The following PARP4 variants were observed in gnomAD, a reference collection of about 807,000 sequenced individuals.
PARP4 encodes protein mono-ADP-ribosyltransferase PARP4.
In PARP4, 120 loss-of-function variants were observed where a neutral mutation model predicts 187.7. That is an observed-to-expected ratio of 0.64 (90% CI 0.55 to 0.74). The LOEUF is 0.74. Ranked by LOEUF, PARP4 falls within the 30% of genes least tolerant of loss-of-function variation. The probability of loss-of-function intolerance (pLI) is 0.00; values close to 1 mark genes in which losing one functional copy is unlikely to be tolerated. For missense variants in PARP4, 1,836 were observed against 2,070.5 expected, an observed-to-expected ratio of 0.89 and a Z score of 2.20; for synonymous variants, 654 against 740.9, an observed-to-expected ratio of 0.88 and a Z score of 1.90.
chr13:24,433,108 G>A (rs1465569841), intron 31 of PARP4, among the ~76,000 whole-genome samples: 2 of 152,130 alleles, frequency 1.3e-5, no homozygotes, highest in African/African-American at 4.8e-5. Context: ...AACGTCCTCT[G>A]GAATGTGTCT....
intron 10 of PARP4, among the ~76,000 whole-genome samples, chr13:24,487,395 T>C (rs1359274015): frequency 6.6e-6 from 1 of 152,208 alleles, no homozygotes; most frequent in East Asian, 1.9e-4. Context: ...ATGTCTATTT[T>C]AAGACCTCAC....
chr13:24,487,381 T>C (rs570164376), intron 10 of PARP4, among the ~76,000 whole-genome samples: 1 of 152,282 alleles, frequency 6.6e-6, no homozygotes, highest in South Asian at 2.1e-4. Context: ...TGTGGCACCA[T>C]AAAATGTCTA....
intron 3 of PARP4, among the ~76,000 whole-genome samples, chr13:24,501,267 T>C (rs1428810648): frequency 1.3e-5 from 2 of 152,226 alleles, no homozygotes; most frequent in Admixed American, 6.5e-5. Flanking sequence ...GACAATCTTT[T>C]GTTTGGAAAG....
intron 25 of PARP4, among the ~76,000 whole-genome samples, chr13:24,449,056 T>C (rs1871358283): frequency 6.6e-6 from 1 of 152,204 alleles, no homozygotes; most frequent in Non-Finnish European, 1.5e-5. Flanking sequence ...TTGCACAGCA[T>C]TGTGAATGTA....
chr13:24,504,417 G>A (rs9581091), intron 1 of PARP4, among the ~76,000 whole-genome samples: 14,602 of 145,568 alleles, frequency 0.1, 789 homozygotes, highest in Non-Finnish European at 0.12. Flanking sequence ...TGGTTCAAGC[G>A]ATTCCCCTGC....
chr13:24,476,694 A>G (rs972894834), intron 14 of PARP4, among the ~76,000 whole-genome samples: 1 of 152,218 alleles, frequency 6.6e-6, no homozygotes, highest in Non-Finnish European at 1.5e-5. Context: ...CGTTTCTGAC[A>G]AAAAATAATT....
At position 24,428,517 on chromosome 13, in the gene PARP4, G is replaced by C. The variant is rs553554895; in HGVS notation, c.4847-1919C>G. On this transcript the variant is annotated intron_variant, in intron 32 of 33. Coordinates refer to ENST00000381989, the MANE Select transcript of PARP4 (RefSeq NM_006437.4). ...TTATCTTGAATTTTTATCTCACTTT[G>C]TCACCTGGGCTGGAGTGCAGTGGCA... Among the ~76,000 whole-genome samples the C allele has an allele frequency of 1.1e-4, 16 of 152,238 alleles. No individual in the cohort carries two copies. The South Asian group carries it at 3.3e-3, about 32-fold the overall frequency.
intron 1 of PARP4, among the ~76,000 whole-genome samples, chr13:24,510,571 A>AAAAAAAAAAAAAAAAAAAAT (rs1869961212): frequency 6.7e-6 from 1 of 150,188 alleles, no homozygotes; most frequent in African/African-American, 2.4e-5. Flanking sequence ...AAAAAAAAAA[A>AAAAAAAAAAAAAAAAAAAAT]GTGTTCACTA....
rs554325982 is a variant in PARP4, at chr13:24,485,444, C to G, written c.1353-696G>C. Among the ~76,000 whole-genome samples the G allele has an allele frequency of 1.6e-4, 24 of 152,292 alleles. No individual in the cohort carries two copies. The South Asian group carries it at 1.9e-3, about 12-fold the overall frequency. On this transcript the variant is annotated intron_variant, in intron 11 of 33. Transcript: ENST00000381989. The stretch of plus-strand genomic sequence containing the variant: ...TAATCCAAGAAAAACTGGCATCCTT[C>G]TGATTCATGCAAGTTGTCTTTTGGG...
intron 24 of PARP4, among the ~76,000 whole-genome samples, chr13:24,451,157 G>A (rs752089158): frequency 6.6e-6 from 1 of 152,200 alleles, no homozygotes; most frequent in Non-Finnish European, 1.5e-5. Context: ...GCATGAATAG[G>A]TGCCAGTACC....
chr13:24,455,505 A>ATATATATATATC (rs1240200576), intron 21 of PARP4, among the ~76,000 whole-genome samples: 1 of 136,022 alleles, frequency 7.4e-6, no homozygotes, highest in Non-Finnish European at 1.6e-5. Context: ...ATATATATAT[A>ATATATATATATC]TCACACTATT....
At position 24,469,019 on chromosome 13, in the gene PARP4, C is replaced by T. The variant is rs1400767182; in HGVS notation, c.2133+5G>A. The T allele has an allele frequency of 6.2e-7, 1 of 1,606,548 alleles. No individual in the cohort carries two copies. The highest frequency in any genetic ancestry group is 1.7e-5 in the Admixed American group (1 of 59,982). ...TATGCATGCGGCATGCACACCAAGC[C>T]ATACCGGAGCATCCTGACTCATCAG... On this transcript the variant is annotated splice_donor_5th_base_variant and intron_variant, in intron 17 of 33. Coordinates refer to ENST00000381989, the MANE Select transcript of PARP4 (RefSeq NM_006437.4).
At chr13:24,489,016 T>C (rs1868475270) in intron 10 of PARP4, among the ~76,000 whole-genome samples, 1 of 152,244 alleles carries the variant, frequency 6.6e-6, no homozygotes, top group South Asian at 2.1e-4. Context: ...CTATTACATA[T>C]ATTTATCACG....
At chr13:24,490,602 C>G in intron 10 of PARP4, 66 bp downstream of exon 10, 2 of 1,209,634 alleles carry the variant, frequency 1.7e-6, no homozygotes, top group Non-Finnish European at 2.4e-6. Context: ...CTGTAATTAG[C>G]TCTTTAACGG....
chr13:24,437,143 G>A (rs1870674934), intron 30 of PARP4, among the ~76,000 whole-genome samples: 1 of 152,082 alleles, frequency 6.6e-6, no homozygotes, highest in Non-Finnish European at 1.5e-5. Flanking sequence ...AAGTCAATAA[G>A]AGGAAAAGGA....
chr13:24,490,660 A>G lies in PARP4; in HGVS notation c.1214+8T>C. The G allele has an allele frequency of 6.2e-7, 1 of 1,606,304 alleles. No homozygotes were observed. Among genetic ancestry groups the G allele is most frequent in the Non-Finnish European group, 8.5e-7 (1 of 1,173,282 alleles). On this transcript the variant is annotated splice_region_variant and intron_variant, in intron 10 of 33. Transcript: ENST00000381989. ...TAACAGATCCTGAGATATTTCCTTTATGCTTACCTGTGATGATTCTGCAAA... is the reference window on the plus strand; with the variant it reads ...TAACAGATCCTGAGATATTTCCTTTGTGCTTACCTGTGATGATTCTGCAAA...
At chr13:24,510,692 T>C (rs1303803154) in intron 1 of PARP4, among the ~76,000 whole-genome samples, 2 of 152,174 alleles carry the variant, frequency 1.3e-5, no homozygotes, top group African/African-American at 4.8e-5. Context: ...TCAAGGAGTA[T>C]AAACATTTTT....
chr13:24,489,985 T>C (rs1868542333), intron 10 of PARP4, among the ~76,000 whole-genome samples: 2 of 152,172 alleles, frequency 1.3e-5, no homozygotes, highest in Admixed American at 6.5e-5. Flanking sequence ...CACCATTTGT[T>C]CTAAGGGCTG....
At chr13:24,450,208 G>A (rs1871436841) in intron 24 of PARP4, among the ~76,000 whole-genome samples, 1 of 152,122 alleles carries the variant, frequency 6.6e-6, no homozygotes, top group Admixed American at 6.5e-5. Flanking sequence ...CTGGCAAAGA[G>A]TGAATAAAGT....
Sources: gnomAD v4.1 joint callset for allele counts (sites outside exome capture counted in the v4.1 genomes callset) on GRCh38, gnomAD v4.1.1 for gene constraint, MANE v1.5 for transcripts, NCBI Gene and HGNC (gene_info 2026-07-23, HGNC 2026-07-21) for gene names.